FRY: variants seen among roughly 807,000 people sequenced by gnomAD.
The protein encoded by FRY is protein furry homolog.
FRY carries 128 observed loss-of-function variants against 348.4 expected under a neutral mutation model. The observed-to-expected ratio is 0.37, with a 90% CI of 0.32 to 0.43. FRY has a LOEUF of 0.43. Ranked by LOEUF, FRY falls within the 20% of genes least tolerant of loss-of-function variation. The pLI, the probability that FRY is intolerant of heterozygous loss-of-function variation, is 1.00. For missense variants in FRY, 2,736 were observed against 3,695.2 expected (o/e 0.74, Z 6.73); for synonymous variants, 1,370 against 1,374.7 (o/e 1.00, Z 0.08).
intron 42 of FRY, among the ~76,000 whole-genome samples, chr13:32,235,091 A>G (rs1225204423): frequency 1.3e-5 from 2 of 152,134 alleles, no homozygotes; most frequent in African/African-American, 4.8e-5. Flanking sequence ...CTGGCTGCCA[A>G]CCTAGGATGC....
At chr13:32,173,937 G>A (rs906544529) in intron 19 of FRY, among the ~76,000 whole-genome samples, 1 of 152,210 alleles carries the variant, frequency 6.6e-6, no homozygotes, top group Non-Finnish European at 1.5e-5. Flanking sequence ...AGGTACCAAA[G>A]AGTTTGGCAA....
chr13:32,051,046 T>C (rs1395256778), intron 1 of FRY, among the ~76,000 whole-genome samples: 1 of 152,118 alleles, frequency 6.6e-6, no homozygotes, highest in African/African-American at 2.4e-5. Context: ...TATACCAATA[T>C]GGTTGAGAAT....
chr13:32,253,208 C>T (rs535948110), intron 50 of FRY, among the ~76,000 whole-genome samples: 3 of 152,334 alleles, frequency 2.0e-5, no homozygotes, highest in African/African-American at 7.2e-5. Flanking sequence ...GACTAGCCCT[C>T]AGGGCTCTTT....
Position 32,276,514 on chromosome 13 carries a change from G to T in FRY, c.8337G>T (p.Leu2779=). The T allele has an allele frequency of 6.2e-7, 1 of 1,607,478 alleles. No individual in the cohort carries two copies. The highest frequency in any genetic ancestry group is 1.3e-5 in the African/African-American group (1 of 74,910). The part of the protein sequence containing the change: ...LDKLKFSVLE[L]QEYLDTYNNR... ...AGCTCAAGTTCAGTGTGTTAGAACTGCAAGAATATTTGGATACCTACAACA... is the reference window on the plus strand; with the variant it reads ...AGCTCAAGTTCAGTGTGTTAGAACTTCAAGAATATTTGGATACCTACAACA... The change falls in exon 57 of 61, where the codon CTG becomes CTT. Residue 2779 remains leucine, a synonymous_variant. Transcript: ENST00000542859.
At chr13:32,186,884 C>T (rs1349539234) in intron 27 of FRY, among the ~76,000 whole-genome samples, 1 of 152,106 alleles carries the variant, frequency 6.6e-6, no homozygotes, top group Non-Finnish European at 1.5e-5. Flanking sequence ...CTCTGTCATA[C>T]AGAACATAAG....
At chr13:32,279,585 G>A (rs576159816) in intron 58 of FRY, among the ~76,000 whole-genome samples, 121 of 152,338 alleles carry the variant, frequency 7.9e-4, no homozygotes, top group Non-Finnish European at 1.4e-3. Context: ...GGCAAGAGTG[G>A]TTCAGGGAAC....
chr13:32,138,366 T>A (rs1879851691), intron 11 of FRY, among the ~76,000 whole-genome samples: 1 of 152,208 alleles, frequency 6.6e-6, no homozygotes, highest in African/African-American at 2.4e-5. Flanking sequence ...GTGTATGGGT[T>A]TTTGCTTGGA....
intron 40 of FRY, among the ~76,000 whole-genome samples, chr13:32,230,029 C>T (rs1208262688): frequency 6.6e-6 from 1 of 152,092 alleles, no homozygotes; most frequent in African/African-American, 2.4e-5. Flanking sequence ...AATGTACTTC[C>T]AAAATAATTC....
At chr13:32,049,498 G>C (rs372023103) in intron 1 of FRY, among the ~76,000 whole-genome samples, 3 of 152,106 alleles carry the variant, frequency 2.0e-5, no homozygotes, top group Non-Finnish European at 4.4e-5. Flanking sequence ...GCAGTGGCAC[G>C]ATCTCAGCTC....
At position 32,202,478 on chromosome 13, in the gene FRY, A is replaced by G. The variant is rs1440128578; in HGVS notation, c.3969A>G (p.Ser1323=). 9.3e-6 allele frequency: 15 copies of G among 1,613,902 alleles called. No individual in the cohort carries two copies. The highest frequency in any genetic ancestry group is 1.2e-5 in the Non-Finnish European group (14 of 1,179,852). Residue 1323 remains serine (S), a synonymous_variant, in exon 31 of 61, where the codon TCA becomes TCG. Coordinates refer to ENST00000542859, the MANE Select transcript of FRY (RefSeq NM_023037.3). The part of the protein sequence containing the change: ...PLYSVSLALL[S]CELARMYPEL... ...ACAGCGTGTCACTTGCCCTCTTGTCATGTGAGCTGGCCAGGATGTACCCTG... is the reference window on the plus strand; with the variant it reads ...ACAGCGTGTCACTTGCCCTCTTGTCGTGTGAGCTGGCCAGGATGTACCCTG...
intron 4 of FRY, 87 bp from the exon 5 acceptor site, chr13:32,124,199 T>A: frequency 1.2e-6 from 1 of 815,756 alleles, no homozygotes; most frequent in Non-Finnish European, 2.1e-6. Context: ...TGCAGTCTAT[T>A]AGGGAGGAGT....
intron 20 of FRY, among the ~76,000 whole-genome samples, chr13:32,177,911 A>G (rs896370912): frequency 1.3e-5 from 2 of 152,242 alleles, no homozygotes; most frequent in African/African-American, 4.8e-5. Context: ...GTATTGATGC[A>G]CAGTGCTCTG....
At chr13:32,166,136 G>A (rs771496992) in intron 17 of FRY, among the ~76,000 whole-genome samples, 10 of 152,212 alleles carry the variant, frequency 6.6e-5, no homozygotes, top group African/African-American at 2.4e-4. Flanking sequence ...GGCAACACTG[G>A]TTTCTTTTAT....
chr13:32,142,794 T>A (rs924825799), intron 11 of FRY, among the ~76,000 whole-genome samples: 5 of 152,210 alleles, frequency 3.3e-5, no homozygotes, highest in Non-Finnish European at 7.3e-5. Flanking sequence ...TTGTTTTTAA[T>A]ATATAACCTG....
At chr13:32,060,992 T>TA (rs777901721) in intron 1 of FRY, 25 of 454,590 alleles carry the variant, frequency 5.5e-5, no homozygotes, top group African/African-American at 2.0e-5. Flanking sequence ...CTGAGACACT[T>TA]ATGGTGGCAG....
chr13:32,268,163 A>G (rs1888013415), intron 55 of FRY, among the ~76,000 whole-genome samples: 1 of 152,224 alleles, frequency 6.6e-6, no homozygotes, highest in South Asian at 2.1e-4. Flanking sequence ...TTGTTACCTC[A>G]TAACATACTT....
intron 20 of FRY, 147 bp from the exon 21 acceptor site, chr13:32,178,030 A>T (rs1030741522): frequency 1.3e-6 from 1 of 781,952 alleles, no homozygotes; most frequent in Non-Finnish European, 2.2e-6. Context: ...CAAATGTGGT[A>T]GGTGCAGGAT....
In FRY at chr13:32,155,639, C is replaced by G; in HGVS notation, c.1628C>G (p.Thr543Ser). The G allele has an allele frequency of 6.2e-7, 1 of 1,613,190 alleles. No individual in the cohort carries two copies. The highest frequency in any genetic ancestry group is 8.5e-7 in the Non-Finnish European group (1 of 1,179,564). ...AAAACATATTTGAGTAAAACACTAA[C>G]TGAAGAGGAAGCCAAAATGATAGGT... is the stretch of plus-strand genomic sequence containing the variant. Reference protein sequence around the residue: ...VKKTYLSKTLTEEEAKMIGMS... With the variant: ...VKKTYLSKTLSEEEAKMIGMS... The change falls in exon 15 of 61, where the codon ACT (threonine) becomes AGT (serine). Residue 543 changes from threonine (T) to serine (S), a missense_variant. Coordinates refer to ENST00000542859, the MANE Select transcript of FRY (RefSeq NM_023037.3).
At chr13:32,038,843 AG>A (rs772339876) in intron 1 of FRY, among the ~76,000 whole-genome samples, 4 of 152,194 alleles carry the variant, frequency 2.6e-5, no homozygotes, top group Non-Finnish European at 4.4e-5. Flanking sequence ...AAGCAAGGCA[AG>A]CACTATTTAA....
Sources: gnomAD v4.1 joint callset for allele counts (sites outside exome capture counted in the v4.1 genomes callset) on GRCh38, gnomAD v4.1.1 for gene constraint, MANE v1.5 for transcripts, NCBI Gene and HGNC (gene_info 2026-07-23, HGNC 2026-07-21) for gene names.